The following PTPRB variants were observed in gnomAD, a reference collection of about 807,000 sequenced individuals.
PTPRB encodes protein tyrosine phosphatase receptor type B.
In PTPRB, 97 loss-of-function variants were observed where a neutral mutation model predicts 238.1. The ratio of observed to expected loss-of-function variants is 0.41; its 90% CI spans 0.35 to 0.48. The LOEUF is 0.48. PTPRB is among the 20% of genes least tolerant of loss of function. The probability of loss-of-function intolerance (pLI) is 0.30; values close to 1 mark genes in which losing one functional copy is unlikely to be tolerated. For synonymous variants in PTPRB, 970 were observed against 995.4 expected (o/e 0.97, Z 0.48); for missense variants, 2,292 against 2,681.9 (o/e 0.85, Z 3.21).
At chr12:70,617,255 A>T (rs17226465) in intron 3 of PTPRB, among the ~76,000 whole-genome samples, 1 of 152,208 alleles carries the variant, frequency 6.6e-6, no homozygotes, top group African/African-American at 2.4e-5. Flanking sequence ...CTATTGGCAC[A>T]TGGTAGTCCA....
intron 32 of PTPRB, among the ~76,000 whole-genome samples, chr12:70,530,531 T>C (rs1873080036): frequency 6.6e-6 from 1 of 152,020 alleles, no homozygotes; most frequent in African/African-American, 2.4e-5. Context: ...CACATACATA[T>C]GTGTATATAA....
At chr12:70,602,685 T>C (rs570594371) in intron 4 of PTPRB, among the ~76,000 whole-genome samples, 7 of 152,280 alleles carry the variant, frequency 4.6e-5, no homozygotes, top group Non-Finnish European at 8.8e-5. Context: ...GGGATATAGA[T>C]GAAACAAGGT....
At chr12:70,557,374 A>T (rs1285122060) in intron 18 of PTPRB, among the ~76,000 whole-genome samples, 1 of 152,218 alleles carries the variant, frequency 6.6e-6, no homozygotes, top group Non-Finnish European at 1.5e-5. Context: ...CCTAATAAAT[A>T]CAAGCCTCGA....
chr12:70,569,181 C>T (rs1005670914), intron 14 of PTPRB, among the ~76,000 whole-genome samples: 6 of 152,164 alleles, frequency 3.9e-5, no homozygotes, highest in Non-Finnish European at 7.3e-5. Context: ...CGACTCACTG[C>T]AGCCTTGACC....
chr12:70,552,453 C>A (rs1877016901), intron 21 of PTPRB, among the ~76,000 whole-genome samples: 1 of 139,836 alleles, frequency 7.2e-6, no homozygotes, highest in African/African-American at 2.7e-5. Flanking sequence ...CACTGCACTC[C>A]AGTCTGGGCA....
chr12:70,581,335 C>T (rs771754889), intron 9 of PTPRB, 33 bp from the exon 10 acceptor site: 1 of 1,566,214 alleles, frequency 6.4e-7, no homozygotes, highest in African/African-American at 1.4e-5. Flanking sequence ...AAACAAATGA[C>T]ACTTAGTCAC....
chr12:70,609,679 G>A (rs1216827868), intron 3 of PTPRB: 2 of 1,408,538 alleles, frequency 1.4e-6, no homozygotes, highest in African/African-American at 1.4e-5. Flanking sequence ...AGCACAACCC[G>A]ATAGACGAGA....
At chr12:70,540,600 G>GAGTC in intron 23 of PTPRB, 2 of 399,748 alleles carry the variant, frequency 5.0e-6, no homozygotes, top group Non-Finnish European at 9.0e-6. Flanking sequence ...TGTGCAAAAG[G>GAGTC]AGTCACTTCA....
At chr12:70,601,959 T>C (rs1592572759) in intron 4 of PTPRB, among the ~76,000 whole-genome samples, 1 of 88,018 alleles carries the variant, frequency 1.1e-5, no homozygotes. Context: ...CCCGGCTAAG[T>C]TTTTTTTTTG....
At chr12:70,615,348 A>G (rs1235443987) in intron 3 of PTPRB, among the ~76,000 whole-genome samples, 4 of 152,150 alleles carry the variant, frequency 2.6e-5, no homozygotes, top group South Asian at 2.1e-4. Context: ...TAGACCAGCC[A>G]AGATTTTTTT....
chr12:70,628,788 C>T (rs1885317079), intron 2 of PTPRB, among the ~76,000 whole-genome samples: 1 of 152,046 alleles, frequency 6.6e-6, no homozygotes, highest in Non-Finnish European at 1.5e-5. Context: ...TGGTCTTGAA[C>T]TCCTGGCATC....
chr12:70,529,912 C>G (rs951135977), intron 32 of PTPRB, among the ~76,000 whole-genome samples: 1 of 151,982 alleles, frequency 6.6e-6, no homozygotes, highest in Admixed American at 6.6e-5. Context: ...TTAATCAGGC[C>G]TCTAGATCTA....
Position 70,544,597 on chromosome 12 carries a change from AT to A in PTPRB, c.5453del (p.Tyr1818PhefsTer24). 1 of 1,611,798 alleles carries A rather than the reference AT, an allele frequency of 6.2e-7. No homozygotes were observed. Among genetic ancestry groups the A allele is most frequent in the Non-Finnish European group, 8.5e-7 (1 of 1,179,200 alleles). On this transcript the variant is annotated frameshift_variant, in exon 22 of 34. Coordinates refer to ENST00000334414, the MANE Select transcript of PTPRB (RefSeq NM_001109754.4). LOFTEE classifies it high-confidence loss of function. ...TGGGTAAAGAAAAAAATGTGTCTGA[AT>A]AGAGTGGCTTTGTGAATTCCTTCAG... The part of the protein sequence containing the change: ...EDLKEFTKPL[Y>X]SDTFFSLPIT...
chr12:70,535,241 T>G (rs80186600), intron 29 of PTPRB, among the ~76,000 whole-genome samples: 1 of 144,934 alleles, frequency 6.9e-6, no homozygotes, highest in African/African-American at 2.8e-5. Context: ...TTTTTTTTTT[T>G]TTTTTTTTTC....
intron 21 of PTPRB, among the ~76,000 whole-genome samples, chr12:70,548,162 A>C (rs1466538679): frequency 1.3e-5 from 2 of 152,064 alleles, no homozygotes; most frequent in Admixed American, 1.3e-4. Flanking sequence ...CCCCATCTCT[A>C]TTAAAAATAC....
chr12:70,583,621 T>C (rs183624813), intron 9 of PTPRB, among the ~76,000 whole-genome samples: 13 of 152,272 alleles, frequency 8.5e-5, no homozygotes, highest in African/African-American at 3.1e-4. Context: ...AACTTCAGCC[T>C]TCTTAATACT....
intron 21 of PTPRB, among the ~76,000 whole-genome samples, chr12:70,548,340 TCTCTCTCACACACA>T (rs1219208009): frequency 0.021 from 1,202 of 58,048 alleles, 20 homozygotes; most frequent in African/African-American, 0.094. Context: ...TCTCTCTCTC[TCTCTCTCACACACA>T]CACACACACA....
At chr12:70,630,950 C>A (rs1036621837) in intron 2 of PTPRB, among the ~76,000 whole-genome samples, 2 of 152,198 alleles carry the variant, frequency 1.3e-5, no homozygotes, top group African/African-American at 2.4e-5. Context: ...CATGGAAGAA[C>A]ATTCCATGCT....
intron 8 of PTPRB, among the ~76,000 whole-genome samples, chr12:70,588,497 G>A (rs546543544): frequency 1.3e-4 from 20 of 152,272 alleles, no homozygotes; most frequent in African/African-American, 4.8e-4. Context: ...GCCAGGTGTG[G>A]TGGCACATGC....
Sources: gnomAD v4.1 joint callset for allele counts (sites outside exome capture counted in the v4.1 genomes callset) on GRCh38, gnomAD v4.1.1 for gene constraint, MANE v1.5 for transcripts, NCBI Gene and HGNC (gene_info 2026-07-23, HGNC 2026-07-21) for gene names.